The following TM9SF2 variants were observed in gnomAD, a reference collection of about 807,000 sequenced individuals.
TM9SF2 encodes the protein transmembrane 9 superfamily member 2, also known as 76 kDa membrane protein.
In TM9SF2, 13 loss-of-function variants were observed where a neutral mutation model predicts 84.9. The ratio of observed to expected loss-of-function variants is 0.15; its 90% CI spans 0.10 to 0.24. TM9SF2 has a LOEUF of 0.24. Ranked by LOEUF, TM9SF2 falls within the 10% of genes least tolerant of loss-of-function variation. TM9SF2 has a pLI of 1.00. For missense variants in TM9SF2, 562 were observed against 818.5 expected (o/e 0.69, Z 3.82); for synonymous variants, 273 against 285.8 (o/e 0.96, Z 0.45).
At chr13:99,546,220 GA>G (rs2046282040) in intron 10 of TM9SF2, among the ~76,000 whole-genome samples, 1 of 152,144 alleles carries the variant, frequency 6.6e-6, no homozygotes, top group African/African-American at 2.4e-5. Context: ...AATAGGGGGG[GA>G]AACAATGGGG....
chr13:99,518,659 C>T (rs571802731), intron 2 of TM9SF2, among the ~76,000 whole-genome samples: 1 of 152,056 alleles, frequency 6.6e-6, no homozygotes, highest in Non-Finnish European at 1.5e-5. Flanking sequence ...TGCAGTGGCA[C>T]GATCATGGCT....
chr13:99,530,691 G>A lies in TM9SF2; in HGVS notation c.461+1097G>A, dbSNP rs533615359. On this transcript the variant is annotated intron_variant, in intron 4 of 16. Transcript: ENST00000376387. ...AAACTTAACTTTTGTTTGATAAATA[G>A]CATCAACTTCAAATAAAACGCTTAC... Among the ~76,000 whole-genome samples, 9 of 152,188 alleles carry A rather than the reference G, an allele frequency of 5.9e-5. No individual in the cohort carries two copies. The East Asian group carries it at 7.7e-4, about 13-fold the overall frequency.
At chr13:99,523,694 C>T (rs2046170084) in intron 3 of TM9SF2, among the ~76,000 whole-genome samples, 1 of 152,192 alleles carries the variant, frequency 6.6e-6, no homozygotes, top group Non-Finnish European at 1.5e-5. Flanking sequence ...TTTCATGTGC[C>T]AGGCACTGTG....
chr13:99,519,662 T>G (rs542850876), intron 2 of TM9SF2: 12 of 106,518 alleles, frequency 1.1e-4, no homozygotes, highest in African/African-American at 4.4e-4. Flanking sequence ...AATGTCATTT[T>G]TAATTAAAGA....
At chr13:99,506,643 T>G (rs1053346511) in intron 1 of TM9SF2, among the ~76,000 whole-genome samples, 1 of 152,238 alleles carries the variant, frequency 6.6e-6, no homozygotes, top group Non-Finnish European at 1.5e-5. Context: ...AATAAAATTG[T>G]GTCTTTCTGC....
At chr13:99,514,764 A>G (rs2046127091) in intron 1 of TM9SF2, among the ~76,000 whole-genome samples, 1 of 152,254 alleles carries the variant, frequency 6.6e-6, no homozygotes, top group South Asian at 2.1e-4. Flanking sequence ...ACTGCATTCC[A>G]AGTGCCCAAT....
chr13:99,560,359 T>TC (rs759282642), intron 16 of TM9SF2, among the ~76,000 whole-genome samples: 2 of 152,174 alleles, frequency 1.3e-5, no homozygotes, highest in South Asian at 2.1e-4. Flanking sequence ...CCTCTGCTGC[T>TC]GTCTCAGGCT....
intron 6 of TM9SF2, among the ~76,000 whole-genome samples, chr13:99,539,093 C>T (rs968278543): frequency 2.7e-5 from 4 of 150,462 alleles, no homozygotes; most frequent in African/African-American, 7.3e-5. Context: ...ACCTGTAGTC[C>T]CATCTACTTG....
intron 9 of TM9SF2, among the ~76,000 whole-genome samples, chr13:99,542,043 C>G (rs1017994231): frequency 6.6e-6 from 1 of 151,124 alleles, no homozygotes; most frequent in Non-Finnish European, 1.5e-5. Flanking sequence ...CCAGCTACCT[C>G]GGGAGGCTGA....
chr13:99,536,978 A>T (rs1161828958), intron 5 of TM9SF2, among the ~76,000 whole-genome samples: 1 of 152,186 alleles, frequency 6.6e-6, no homozygotes, highest in African/African-American at 2.4e-5. Flanking sequence ...GTTAAATGCT[A>T]TGGTAAGGTC....
At chr13:99,556,963 T>A (rs530769030) in intron 15 of TM9SF2, among the ~76,000 whole-genome samples, 1 of 152,342 alleles carries the variant, frequency 6.6e-6, no homozygotes, top group Non-Finnish European at 1.5e-5. Context: ...TTGTTTCTAC[T>A]TTTTGGCTGT....
At position 99,517,173 on chromosome 13, in the gene TM9SF2, G is replaced by C. The variant is rs149716989; in HGVS notation, c.172-441G>C. The stretch of plus-strand genomic sequence containing the variant: ...CTGTCACCCAGGCTGGAGTGCAGTG[G>C]CGCCATCATAGCTCACTGTAACTTC... On this transcript the variant is annotated intron_variant, in intron 1 of 16. Transcript: ENST00000376387. Among the ~76,000 whole-genome samples, 61 of 152,188 alleles carry C rather than the reference G, an allele frequency of 4.0e-4. No individual in the cohort carries two copies. In the East Asian group the frequency reaches 0.011, roughly 28 times the overall value.
intron 10 of TM9SF2, among the ~76,000 whole-genome samples, chr13:99,546,677 G>C (rs960900494): frequency 6.6e-6 from 1 of 151,880 alleles, no homozygotes; most frequent in East Asian, 1.9e-4. Context: ...GGCTGTACTT[G>C]AATCTCAGAA....
At chr13:99,505,298 G>A (rs1271679253) in intron 1 of TM9SF2, among the ~76,000 whole-genome samples, 2 of 151,892 alleles carry the variant, frequency 1.3e-5, no homozygotes, top group African/African-American at 2.4e-5. Context: ...GATTACAGGC[G>A]CCTGCCACCA....
At chr13:99,536,299 G>GTT (rs540336278) in intron 4 of TM9SF2, among the ~76,000 whole-genome samples, 11 of 139,688 alleles carry the variant, frequency 7.9e-5, no homozygotes, top group African/African-American at 1.3e-4. Context: ...AGTTTTTTTT[G>GTT]TTTTTTTTTT....
intron 3 of TM9SF2, among the ~76,000 whole-genome samples, chr13:99,524,924 C>G (rs1665742639): frequency 6.6e-6 from 1 of 151,108 alleles, no homozygotes; most frequent in Admixed American, 6.6e-5. Context: ...TGAGAAGGAG[C>G]CACTGATGAG....
intron 1 of TM9SF2, among the ~76,000 whole-genome samples, chr13:99,516,727 TACTACCTTGTAGTTC>T (rs2046136295): frequency 6.6e-6 from 1 of 152,214 alleles, no homozygotes; most frequent in Non-Finnish European, 1.5e-5. Context: ...TCTTCACTGC[TACTACCTTGTAGTTC>T]AGTGTTCTTA....
Position 99,512,504 on chromosome 13 carries a change from A to G in TM9SF2, c.172-5110A>G, listed in dbSNP as rs1203213227. Among the ~76,000 whole-genome samples, 11 of 152,330 alleles carry G rather than the reference A, an allele frequency of 7.2e-5. No individual in the cohort carries two copies. In the South Asian group the frequency reaches 2.1e-3, roughly 29 times the overall value. The stretch of plus-strand genomic sequence containing the variant: ...GATGAAATGCCAAACGTAGATGGAT[A>G]AAAACTAATAACATGTAGATAAGAA... On this transcript the variant is annotated intron_variant, in intron 1 of 16. Coordinates refer to ENST00000376387, the MANE Select transcript of TM9SF2 (RefSeq NM_004800.3).
chr13:99,529,403 T>G, intron 3 of TM9SF2, 64 bp from the exon 4 acceptor site: 3 of 1,416,408 alleles, frequency 2.1e-6, no homozygotes, highest in Non-Finnish European at 1.9e-6. Context: ...ACTCTATTTG[T>G]GATATTGGTA....
Sources: allele counts gnomAD v4.1 joint callset (sites outside exome capture counted in the v4.1 genomes callset), GRCh38; gene constraint gnomAD v4.1.1; transcripts MANE v1.5; gene names NCBI Gene and HGNC (gene_info 2026-07-23, HGNC 2026-07-21).